KLHL1: variants seen among roughly 807,000 people sequenced by gnomAD.
KLHL1 encodes kelch like family member 1.
In KLHL1, 47 loss-of-function variants were observed where a neutral mutation model predicts 77.7. That is an observed-to-expected ratio of 0.60 (90% CI 0.48 to 0.77). KLHL1 has a LOEUF of 0.77. Ranked by LOEUF, KLHL1 falls within the 30% of genes least tolerant of loss-of-function variation. The pLI is 0.00. For missense variants in KLHL1, 925 were observed against 910.8 expected (o/e 1.02, Z -0.20); for synonymous variants, 360 against 325.2 (o/e 1.11, Z -1.15).
chr13:69,712,432 A>G (rs566550462), intron 9 of KLHL1, among the ~76,000 whole-genome samples: 2 of 152,128 alleles, frequency 1.3e-5, no homozygotes, highest in Non-Finnish European at 2.9e-5. Flanking sequence ...CACATTTGTC[A>G]TACTGGTGGC....
intron 7 of KLHL1, among the ~76,000 whole-genome samples, chr13:69,757,302 T>C (rs1874793702): frequency 6.6e-6 from 1 of 152,072 alleles, no homozygotes; most frequent in South Asian, 2.1e-4. Context: ...ACAAGACAAT[T>C]TCATTATTTC....
At chr13:69,835,859 T>C (rs1031187778) in intron 6 of KLHL1, among the ~76,000 whole-genome samples, 3 of 151,858 alleles carry the variant, frequency 2.0e-5, no homozygotes, top group African/African-American at 7.3e-5. Context: ...AATTCATAAA[T>C]AAATATATAA....
At chr13:69,769,616 T>C (rs190436361) in intron 7 of KLHL1, among the ~76,000 whole-genome samples, 3 of 152,160 alleles carry the variant, frequency 2.0e-5, no homozygotes, top group African/African-American at 7.2e-5. Context: ...AATGAAATGC[T>C]GCCTTTTCCA....
At chr13:70,040,210 C>T (rs964967916) in intron 1 of KLHL1, among the ~76,000 whole-genome samples, 16 of 152,108 alleles carry the variant, frequency 1.1e-4, no homozygotes, top group Admixed American at 3.3e-4. Context: ...TTTTTACTTA[C>T]TGATGGTTTT....
chr13:69,755,236 T>C (rs1874656017), intron 7 of KLHL1, among the ~76,000 whole-genome samples: 1 of 151,826 alleles, frequency 6.6e-6, no homozygotes, highest in African/African-American at 2.4e-5. Flanking sequence ...TTCTCTCTCT[T>C]GATCCCACTC....
intron 2 of KLHL1, among the ~76,000 whole-genome samples, chr13:69,971,805 T>C (rs1379783904): frequency 6.6e-6 from 1 of 152,070 alleles, no homozygotes; most frequent in Non-Finnish European, 1.5e-5. Flanking sequence ...GGAAAAACAT[T>C]ATGTTTTATA....
At chr13:69,759,431 A>G (rs1486927814) in intron 7 of KLHL1, among the ~76,000 whole-genome samples, 2 of 152,240 alleles carry the variant, frequency 1.3e-5, no homozygotes, top group Non-Finnish European at 2.9e-5. Context: ...AAAAATGTCT[A>G]AATTATATTT....
chr13:70,084,622 C>CTTTTTTTTTTTTTTTTTTTTTTTTTTT lies in KLHL1; in HGVS notation c.497+22580_497+22581insAAAAAAAAAAAAAAAAAAAAAAAAAAA, dbSNP rs71116988. ...TACAGGCACCTGCCACCACGCCAGG[C>CTTTTTTTTTTTTTTTTTTTTTTTTTTT]TTTTTTTTTTTTTTTTTTTTTTTTT... On this transcript the variant is annotated intron_variant, in intron 1 of 10. Coordinates refer to ENST00000377844, the MANE Select transcript of KLHL1 (RefSeq NM_020866.3). 1.8e-3 allele frequency among the ~76,000 whole-genome samples: 27 copies of CTTTTTTTTTTTTTTTTTTTTTTTTTTT among 14,954 alleles called. 9 individuals carry two copies. Among genetic ancestry groups the CTTTTTTTTTTTTTTTTTTTTTTTTTTT allele is most frequent in the East Asian group, 9.1e-3 (2 of 220 alleles). 9.8% of individuals were successfully genotyped at this position (14,954 alleles called of 152,430 possible).
chr13:70,074,865 T>TA (rs1357826390), intron 1 of KLHL1, among the ~76,000 whole-genome samples: 4 of 150,706 alleles, frequency 2.7e-5, no homozygotes, highest in Non-Finnish European at 6.0e-5. Context: ...ATTGTGTAGA[T>TA]AAAAAATTTT....
chr13:70,013,898 G>T (rs1292674933), intron 1 of KLHL1, among the ~76,000 whole-genome samples: 1 of 152,070 alleles, frequency 6.6e-6, no homozygotes, highest in East Asian at 1.9e-4. Flanking sequence ...ACTCAAAGCA[G>T]TGATTTCTGA....
At chr13:69,797,274 T>C (rs1332566234) in intron 6 of KLHL1, among the ~76,000 whole-genome samples, 1 of 152,182 alleles carries the variant, frequency 6.6e-6, no homozygotes, top group Non-Finnish European at 1.5e-5. Context: ...ACAAATTCCC[T>C]CTATCACTTT....
At chr13:69,948,141 A>C (rs977359380) in intron 3 of KLHL1, among the ~76,000 whole-genome samples, 1 of 152,106 alleles carries the variant, frequency 6.6e-6, no homozygotes, top group African/African-American at 2.4e-5. Flanking sequence ...AGTCCAGAGG[A>C]ACTTTGTCTC....
intron 10 of KLHL1, among the ~76,000 whole-genome samples, chr13:69,703,282 C>A (rs1380088702): frequency 3.3e-5 from 5 of 151,404 alleles, no homozygotes; most frequent in African/African-American, 1.2e-4. Flanking sequence ...TGTGGTGAAA[C>A]TGGTGTAAAC....
intron 5 of KLHL1, among the ~76,000 whole-genome samples, chr13:69,845,342 T>C (rs1215238274): frequency 6.6e-6 from 1 of 151,632 alleles, no homozygotes; most frequent in African/African-American, 2.4e-5. Context: ...TAGCTACAAA[T>C]AAATTGCAAA....
intron 4 of KLHL1, among the ~76,000 whole-genome samples, chr13:69,890,688 A>G (rs975501862): frequency 6.6e-6 from 1 of 151,832 alleles, no homozygotes; most frequent in East Asian, 1.9e-4. Context: ...CTCCTTGTAA[A>G]GGCTAAGAAC....
At chr13:70,012,736 C>T (rs916680011) in intron 1 of KLHL1, among the ~76,000 whole-genome samples, 1 of 151,838 alleles carries the variant, frequency 6.6e-6, no homozygotes, top group Non-Finnish European at 1.5e-5. Context: ...TGGTGAAACC[C>T]CGTCTCTACT....
intron 1 of KLHL1, among the ~76,000 whole-genome samples, chr13:70,040,237 T>C (rs1435195809): frequency 6.6e-6 from 1 of 152,168 alleles, no homozygotes; most frequent in African/African-American, 2.4e-5. Flanking sequence ...TCTCCTGTCT[T>C]TCTTCCTAAT....
chr13:69,802,421 G>A (rs1877424821), intron 6 of KLHL1, among the ~76,000 whole-genome samples: 1 of 151,954 alleles, frequency 6.6e-6, no homozygotes, highest in African/African-American at 2.4e-5. Context: ...AAAGTATGGG[G>A]GATAAGGGAG....
At chr13:70,057,218 C>T (rs1013404521) in intron 1 of KLHL1, among the ~76,000 whole-genome samples, 3 of 151,930 alleles carry the variant, frequency 2.0e-5, no homozygotes, top group African/African-American at 7.2e-5. Context: ...ATACAACTTA[C>T]CAAGATTGAA....
Sources: gnomAD v4.1 joint callset for allele counts (sites outside exome capture counted in the v4.1 genomes callset) on GRCh38, gnomAD v4.1.1 for gene constraint, MANE v1.5 for transcripts, NCBI Gene and HGNC (gene_info 2026-07-23, HGNC 2026-07-21) for gene names.